The following MCPH1 variants were observed in gnomAD, a reference collection of about 807,000 sequenced individuals.
The protein encoded by MCPH1 is microcephalin 1.
In MCPH1, 104 loss-of-function variants were observed where a neutral mutation model predicts 84.5. The ratio of observed to expected loss-of-function variants is 1.23; its 90% confidence interval spans 1.05 to 1.45. The LOEUF (loss-of-function observed/expected upper bound fraction) is 1.45. Ranked by LOEUF, MCPH1 falls within the 40% of genes most tolerant of loss-of-function variation. The pLI, the probability that MCPH1 is intolerant of heterozygous loss-of-function variation, is 0.00. For synonymous variants in MCPH1, 514 were observed against 366.8 expected, an observed-to-expected ratio of 1.40 and a Z score of -4.58; for missense variants, 1,498 against 1,005.7, an observed-to-expected ratio of 1.49 and a Z score of -6.62.
chr8:6,588,026 A>C (rs372951311), intron 12 of MCPH1, among the ~76,000 whole-genome samples: 1 of 152,206 alleles, frequency 6.6e-6, no homozygotes, highest in African/African-American at 2.4e-5. Flanking sequence ...TCAGCTTCCC[A>C]TCTTGGGGAG....
intron 11 of MCPH1, among the ~76,000 whole-genome samples, chr8:6,496,301 T>C (rs1264071896): frequency 2.0e-5 from 3 of 152,130 alleles, no homozygotes; most frequent in Admixed American, 6.5e-5. Context: ...GTAATGCCAC[T>C]GCTGATCTGA....
intron 12 of MCPH1, among the ~76,000 whole-genome samples, chr8:6,578,659 G>T (rs780298407): frequency 2.6e-5 from 4 of 152,194 alleles, no homozygotes; most frequent in African/African-American, 9.7e-5. Flanking sequence ...AAAACCCTGC[G>T]TGGAAGATGT....
intron 1 of MCPH1, 56 bp from the exon 2 acceptor site, chr8:6,409,223 G>C: frequency 7.2e-7 from 1 of 1,391,940 alleles, no homozygotes; most frequent in Non-Finnish European, 1.0e-6. Context: ...AAAATCTATT[G>C]GGCAGGGGAT....
intron 12 of MCPH1, among the ~76,000 whole-genome samples, chr8:6,582,792 A>G (rs1827659684): frequency 6.6e-6 from 1 of 152,124 alleles, no homozygotes; most frequent in Non-Finnish European, 1.5e-5. Context: ...TACATTTCTA[A>G]GACAGTGTGG....
chr8:6,443,476 G>C (rs978834202), intron 7 of MCPH1, among the ~76,000 whole-genome samples: 2 of 151,606 alleles, frequency 1.3e-5, no homozygotes, highest in Admixed American at 6.6e-5. Flanking sequence ...ATTTCAGACA[G>C]AGAGTTCTAA....
intron 12 of MCPH1, among the ~76,000 whole-genome samples, chr8:6,536,036 G>A (rs372307179): frequency 1.1e-4 from 17 of 152,178 alleles, no homozygotes; most frequent in East Asian, 1.9e-4. Context: ...CAGCTTGGGC[G>A]ACAGAGTGAG....
intron 9 of MCPH1, among the ~76,000 whole-genome samples, chr8:6,461,256 A>G (rs1311998326): frequency 2.0e-5 from 3 of 149,250 alleles, no homozygotes; most frequent in South Asian, 2.1e-4. Flanking sequence ...CACTCTATAA[A>G]TCAGTCAGAA....
At chr8:6,431,213 C>T (rs148754969) in intron 3 of MCPH1, among the ~76,000 whole-genome samples, 57 of 152,234 alleles carry the variant, frequency 3.7e-4, no homozygotes, top group African/African-American at 1.3e-3. Context: ...GAGTACCATG[C>T]ACTAATAATT....
chr8:6,519,848 G>T (rs1238125038), intron 12 of MCPH1: 1 of 1,613,072 alleles, frequency 6.2e-7, no homozygotes, highest in Non-Finnish European at 8.5e-7. Context: ...TTAGTAAGGG[G>T]AGACGAATAC....
chr8:6,433,902 A>G (rs1802247231), intron 4 of MCPH1, among the ~76,000 whole-genome samples: 1 of 151,964 alleles, frequency 6.6e-6, no homozygotes, highest in Non-Finnish European at 1.5e-5. Context: ...CTGCCTGCCC[A>G]GCTTGCTGTT....
At chr8:6,562,630 A>G in intron 12 of MCPH1, 1 of 1,360,520 alleles carries the variant, frequency 7.4e-7, no homozygotes, top group Non-Finnish European at 9.8e-7. Flanking sequence ...ACAAAGACAG[A>G]TGGATTTTTT....
chr8:6,633,299 T>C (rs1797301866), intron 13 of MCPH1, among the ~76,000 whole-genome samples: 1 of 152,158 alleles, frequency 6.6e-6, no homozygotes, highest in Non-Finnish European at 1.5e-5. Context: ...TCAAAGAGAG[T>C]CAATAAACTG....
intron 2 of MCPH1, among the ~76,000 whole-genome samples, chr8:6,414,191 A>G (rs1239676454): frequency 6.6e-6 from 1 of 152,160 alleles, no homozygotes; most frequent in Non-Finnish European, 1.5e-5. Flanking sequence ...TATTTTTAGT[A>G]GAGACAAGGT....
In MCPH1 at chr8:6,613,232, C is replaced by T. The variant is rs987670036; in HGVS notation, c.2215-8222C>T. 5.3e-5 allele frequency among the ~76,000 whole-genome samples: 8 copies of T among 152,158 alleles called. 1 individual carries two copies. Among genetic ancestry groups the T allele is most frequent in the African/African-American group, 1.9e-4 (8 of 41,440 alleles). The stretch of plus-strand genomic sequence containing the variant: ...GAGAAAGGGCTTATAGGCTGAAGGC[C>T]AGGCAGACGGGAATGGCCAGGCAGA... On this transcript the variant is annotated intron_variant, in intron 12 of 13. Coordinates refer to ENST00000344683, the MANE Select transcript of MCPH1 (RefSeq NM_024596.5).
At chr8:6,474,885 C>T (rs572861121) in intron 9 of MCPH1, among the ~76,000 whole-genome samples, 7 of 152,298 alleles carry the variant, frequency 4.6e-5, no homozygotes, top group African/African-American at 1.4e-4. Context: ...GAAGACATGA[C>T]TATTTTTATT....
At chr8:6,498,367 T>C (rs562596617) in intron 11 of MCPH1, among the ~76,000 whole-genome samples, 106 of 152,342 alleles carry the variant, frequency 7.0e-4, no homozygotes, top group Non-Finnish European at 1.3e-3. Flanking sequence ...TAGAGCAAAA[T>C]GTTTACACTG....
At chr8:6,592,100 A>C (rs1335371627) in intron 12 of MCPH1, among the ~76,000 whole-genome samples, 1 of 152,182 alleles carries the variant, frequency 6.6e-6, no homozygotes. Flanking sequence ...ATATAGTGTA[A>C]CACCGTGTAC....
intron 9 of MCPH1, chr8:6,474,371 C>A: frequency 2.7e-6 from 1 of 365,810 alleles, no homozygotes. Flanking sequence ...CAAAGTGACA[C>A]TTTAGGACTG....
In MCPH1 at chr8:6,488,660, G is replaced by C. The variant is rs1018006783; in HGVS notation, c.2136+7784G>C. ...AAGAAAGAGAAATACCTGAGGCACCGGGAGTGAGGAGGACAGGTGTTGGAG... is the reference window on the plus strand; with the variant it reads ...AAGAAAGAGAAATACCTGAGGCACCCGGAGTGAGGAGGACAGGTGTTGGAG... On this transcript the variant is annotated intron_variant, in intron 11 of 13. Coordinates refer to ENST00000344683, the MANE Select transcript of MCPH1 (RefSeq NM_024596.5). 4.6e-5 allele frequency among the ~76,000 whole-genome samples: 7 copies of C among 152,278 alleles called. No homozygotes were observed. In the East Asian group the frequency reaches 1.4e-3, roughly 29 times the overall value.
Sources: gnomAD v4.1 joint callset for allele counts (sites outside exome capture counted in the v4.1 genomes callset) on GRCh38, gnomAD v4.1.1 for gene constraint, MANE v1.5 for transcripts, NCBI Gene and HGNC (gene_info 2026-07-23, HGNC 2026-07-21) for gene names.